The following GFOD1 variants were observed in gnomAD, a reference collection of about 807,000 sequenced individuals.
The protein encoded by GFOD1 is Gfo/Idh/MocA-like oxidoreductase domain containing 1.
Under a neutral mutation model 25.4 loss-of-function variants are expected in GFOD1, and 9 were observed. The ratio of observed to expected loss-of-function variants is 0.35; its 90% CI spans 0.21 to 0.62. GFOD1 has a LOEUF of 0.62. Ranked by LOEUF, GFOD1 falls within the 20% of genes least tolerant of loss-of-function variation. The pLI, the probability that GFOD1 is intolerant of heterozygous loss-of-function variation, is 0.72. For missense variants in GFOD1, 403 were observed against 556.9 expected (o/e 0.72, Z 2.78); for synonymous variants, 253 against 245.6 (o/e 1.03, Z -0.28).
At chr6:13,431,368 G>A (rs1757746324) in intron 1 of GFOD1, among the ~76,000 whole-genome samples, 1 of 152,136 alleles carries the variant, frequency 6.6e-6, no homozygotes, top group East Asian at 1.9e-4. Context: ...TTCCATCCTG[G>A]ACCTCCTATT....
At chr6:13,440,557 T>G (rs1056572677) in intron 1 of GFOD1, among the ~76,000 whole-genome samples, 2 of 152,224 alleles carry the variant, frequency 1.3e-5, no homozygotes, top group African/African-American at 4.8e-5. Flanking sequence ...CTACGATGAC[T>G]GCTCTCAGAG....
At position 13,365,455 on chromosome 6, in the gene GFOD1, C is replaced by G. The variant is rs769907330; in HGVS notation, c.461G>C (p.Ser154Thr). The part of the protein sequence containing the change: ...LVCEVQVHGG[S>T]LLGKKYNWSC... ...CCAGTTGTACTTCTTGCCCAGCAGGCTGCCGCCGTGCACCTGCACCTCACA... is the reference window on the plus strand; with the variant it reads ...CCAGTTGTACTTCTTGCCCAGCAGGGTGCCGCCGTGCACCTGCACCTCACA... Residue 154 changes from serine to threonine, a missense_variant, in exon 2 of 2, where the codon AGC (serine) becomes ACC (threonine). Transcript: ENST00000379287. The surrounding 1 kb of genome is among the most constrained non-coding windows in gnomAD (Gnocchi z 9.2). 1.1e-5 allele frequency: 18 copies of G among 1,613,656 alleles called. No individual in the cohort carries two copies. The South Asian group carries it at 1.6e-4, about 15-fold the overall frequency.
chr6:13,443,726 G>A (rs1265022376), intron 1 of GFOD1, among the ~76,000 whole-genome samples: 1 of 149,722 alleles, frequency 6.7e-6, no homozygotes. Context: ...TGAAGAAGGA[G>A]AATTGCTTGG....
rs184294783 is a variant in GFOD1 at position 13,360,452 on chromosome 6, G to A, written c.*4291C>T. ...GCTAAAATTGGAGTGACAAACAAAC[G>A]AACTTTAAAGCCCCACTCCCTGAGA... On this transcript the variant is annotated 3_prime_UTR_variant, in exon 2 of 2. Transcript: ENST00000379287. 23 of 342,926 alleles carry A rather than the reference G, an allele frequency of 6.7e-5. No individual in the cohort carries two copies. The East Asian group carries it at 8.6e-4, about 13-fold the overall frequency. The allele number at this position is 342,926 out of a possible 1,614,324, so 21.2% of individuals were successfully genotyped here.
At chr6:13,450,387 T>A (rs1452643035) in intron 1 of GFOD1, among the ~76,000 whole-genome samples, 4 of 152,146 alleles carry the variant, frequency 2.6e-5, no homozygotes, top group African/African-American at 9.7e-5. Context: ...GTGTTTGGGG[T>A]CTCCAAGATC....
intron 1 of GFOD1, chr6:13,469,401 C>T (rs1221360284): frequency 2.0e-6 from 2 of 985,380 alleles, no homozygotes; most frequent in East Asian, 2.3e-4. Flanking sequence ...TACATGCAGT[C>T]CCCAGGCTAT....
chr6:13,364,260 C>G lies in GFOD1; in HGVS notation c.*483G>C, dbSNP rs1784995677. ...TCACCAGCCCATCCCACCCCCAACC[C>G]CAGCCTAACACGCTTCTGTGGACTG... On this transcript the variant is annotated 3_prime_UTR_variant, in exon 2 of 2. Coordinates refer to ENST00000379287, the MANE Select transcript of GFOD1 (RefSeq NM_018988.4). The surrounding 1 kb of genome is among the most constrained non-coding windows in gnomAD (Gnocchi z 4.1). 1 of 157,204 alleles carries G rather than the reference C, an allele frequency of 6.4e-6. No individual in the cohort carries two copies. The highest frequency in any genetic ancestry group is 2.4e-5 in the African/African-American group (1 of 41,520). The allele number at this position is 157,204 out of a possible 1,614,324, so 9.7% of individuals were successfully genotyped here.
In GFOD1 at chr6:13,364,754, G is replaced by A; in HGVS notation, c.1162C>T (p.Leu388Phe). Reference protein sequence around the residue: ...SEAMRRSRMSLYC With the variant: ...SEAMRRSRMSFYC ...GTTCTCAATCTGTGCTAACAGTAGA[G>A]GGACATCCTGCTGCGGCGCATGGCC... is the stretch of plus-strand genomic sequence containing the variant. Residue 388 changes from leucine (L) to phenylalanine (F), a missense_variant, in exon 2 of 2, where the codon CTC (leucine) becomes TTC (phenylalanine). Transcript: ENST00000379287. This position sits in a 1 kb window ranked among gnomAD's most constrained non-coding sequence, Gnocchi z 4.1. The A allele has an allele frequency of 6.2e-7, 1 of 1,612,144 alleles. No homozygotes were observed. Among genetic ancestry groups the A allele is most frequent in the Non-Finnish European group, 8.5e-7 (1 of 1,179,312 alleles).
At chr6:13,482,493 T>A (rs1320114994) in intron 1 of GFOD1, among the ~76,000 whole-genome samples, 1 of 152,190 alleles carries the variant, frequency 6.6e-6, no homozygotes, top group African/African-American at 2.4e-5. Context: ...ACACCTGTAA[T>A]CCCAGCACTT....
intron 1 of GFOD1, among the ~76,000 whole-genome samples, chr6:13,397,229 G>A (rs1233018679): frequency 2.0e-5 from 3 of 152,162 alleles, no homozygotes; most frequent in Non-Finnish European, 4.4e-5. Context: ...GCAAGCCATG[G>A]CGCCCAGCAA....
chr6:13,462,497 T>C (rs1174553736), intron 1 of GFOD1, among the ~76,000 whole-genome samples: 1 of 152,168 alleles, frequency 6.6e-6, no homozygotes, highest in Admixed American at 6.6e-5. Context: ...TTCAGTCCGG[T>C]CAACTGTGAG....
chr6:13,425,413 T>C (rs1786334859), intron 1 of GFOD1, among the ~76,000 whole-genome samples: 2 of 152,166 alleles, frequency 1.3e-5, no homozygotes, highest in South Asian at 4.1e-4. Context: ...CCAAGCAGTC[T>C]GGCCCCAGGT....
intron 1 of GFOD1, among the ~76,000 whole-genome samples, chr6:13,466,742 C>T (rs1042107174): frequency 2.0e-5 from 3 of 152,200 alleles, no homozygotes; most frequent in Non-Finnish European, 4.4e-5. Context: ...AAGGAGCTAA[C>T]CCCAAACGCC....
chr6:13,385,138 T>A (rs951892773), intron 1 of GFOD1, among the ~76,000 whole-genome samples: 8 of 152,118 alleles, frequency 5.3e-5, no homozygotes, highest in African/African-American at 1.9e-4. Flanking sequence ...AGAGTGCAGA[T>A]AACCTGGTTG....
rs1784954662 is a variant in GFOD1, at chr6:13,362,056, T to C, written c.*2687A>G. 1 of 152,182 alleles carries C rather than the reference T, an allele frequency of 6.6e-6. No homozygotes were observed. The highest frequency in any genetic ancestry group is 1.5e-5 in the Non-Finnish European group (1 of 68,028). The allele number at this position is 152,182 out of a possible 1,614,324, so 9.4% of individuals were successfully genotyped here. A position where few individuals can be genotyped will look rare whatever the true frequency, so the allele number is the denominator to read the frequency against. ...AGAAAAATGAAACCCATTGAATCAT[T>C]TTGTTTACTTTCCCTTCATCCTTAA... On this transcript the variant is annotated 3_prime_UTR_variant, in exon 2 of 2. Coordinates refer to ENST00000379287, the MANE Select transcript of GFOD1 (RefSeq NM_018988.4).
rs1181400506 is a variant in GFOD1, at chr6:13,364,734, C to A, written c.*9G>T. 5 of 1,598,790 alleles carry A rather than the reference C, an allele frequency of 3.1e-6. No individual in the cohort carries two copies. The African/African-American group carries it at 5.4e-5, about 17-fold the overall frequency. ...AGAAGGCTCAAGTCCCCGAGGTTCT[C>A]AATCTGTGCTAACAGTAGAGGGACA... On this transcript the variant is annotated 3_prime_UTR_variant, in exon 2 of 2. Transcript: ENST00000379287. This position sits in a 1 kb window ranked among gnomAD's most constrained non-coding sequence, Gnocchi z 4.1.
intron 1 of GFOD1, among the ~76,000 whole-genome samples, chr6:13,444,155 A>G (rs1270745650): frequency 6.6e-6 from 1 of 152,160 alleles, no homozygotes; most frequent in Non-Finnish European, 1.5e-5. Context: ...GGGTACATAA[A>G]CACCATGGAA....
intron 1 of GFOD1, among the ~76,000 whole-genome samples, chr6:13,456,573 A>G (rs1758193791): frequency 6.6e-6 from 1 of 152,226 alleles, no homozygotes; most frequent in Non-Finnish European, 1.5e-5. Flanking sequence ...TAATTTTTGA[A>G]CTACTCATCA....
intron 1 of GFOD1, among the ~76,000 whole-genome samples, chr6:13,409,997 G>GA (rs547529826): frequency 2.5e-4 from 32 of 129,218 alleles, no homozygotes; most frequent in African/African-American, 8.5e-4. Context: ...AAATGATACG[G>GA]ATTTTTAGTT....
Sources: allele counts gnomAD v4.1 joint callset (sites outside exome capture counted in the v4.1 genomes callset), GRCh38; gene constraint gnomAD v4.1.1; non-coding constraint Gnocchi (gnomAD v3.1); transcripts MANE v1.5; gene names NCBI Gene and HGNC (gene_info 2026-07-23, HGNC 2026-07-21).